Variants in KLF13 observed in about 807,000 individuals in gnomAD.
KLF13 encodes Krueppel-like factor 13.
A neutral mutation model predicts 16.7 loss-of-function variants in KLF13; 8 were observed. That is an observed-to-expected ratio of 0.48 (90% confidence interval 0.28 to 0.87). The LOEUF (loss-of-function observed/expected upper bound fraction) is 0.87. KLF13 is among the 40% of genes least tolerant of loss of function. The probability of loss-of-function intolerance (pLI) is 0.10; values close to 1 mark genes in which losing one functional copy is unlikely to be tolerated. For missense variants in KLF13, 447 were observed against 452.2 expected, an observed-to-expected ratio of 0.99 and a Z score of 0.10; for synonymous variants, 245 against 208.4, an observed-to-expected ratio of 1.18 and a Z score of -1.51.
intron 1 of KLF13, among the ~76,000 whole-genome samples, chr15:31,337,182 C>T (rs1270701716): frequency 2.0e-5 from 3 of 152,222 alleles, no homozygotes; most frequent in African/African-American, 4.8e-5. Flanking sequence ...TGCTAAGTGG[C>T]CTGCGGCAGG....
At chr15:31,406,889 C>T (rs529691211), downstream of KLF13, among the ~76,000 whole-genome samples, 1 of 152,296 alleles carries the variant, frequency 6.6e-6, no homozygotes, top group African/African-American at 2.4e-5. Context: ...TCTTCTCTGA[C>T]TTTGGCCCTC....
At chr15:31,337,628 C>G (rs1437128420) in intron 1 of KLF13, among the ~76,000 whole-genome samples, 1 of 152,234 alleles carries the variant, frequency 6.6e-6, no homozygotes, top group Non-Finnish European at 1.5e-5. Context: ...TAGCCTCTTG[C>G]TTCTAGGCTG....
intron 1 of KLF13, among the ~76,000 whole-genome samples, chr15:31,413,228 A>C (rs2040218287): frequency 6.6e-6 from 1 of 151,394 alleles, no homozygotes; most frequent in Non-Finnish European, 1.5e-5. Context: ...CCAGCCTCAG[A>C]GATATGCGGG....
At chr15:31,331,086 C>T (rs1479751072) in intron 1 of KLF13, among the ~76,000 whole-genome samples, 3 of 152,226 alleles carry the variant, frequency 2.0e-5, no homozygotes, top group African/African-American at 7.2e-5. Flanking sequence ...TCTTTCTTGG[C>T]AGAGAGACCC....
intron 1 of KLF13, among the ~76,000 whole-genome samples, chr15:31,415,640 A>C (rs2040246356): frequency 6.6e-6 from 1 of 152,192 alleles, no homozygotes; most frequent in Non-Finnish European, 1.5e-5. Flanking sequence ...CGAGTAAAGC[A>C]GTGCTTAGAG....
At chr15:31,379,624 G>A (rs1482783864), downstream of KLF13, among the ~76,000 whole-genome samples, 5 of 152,148 alleles carry the variant, frequency 3.3e-5, no homozygotes, top group Admixed American at 6.5e-5. Context: ...AGATTTTCCC[G>A]GCTTTTGAAG....
intron 1 of KLF13, among the ~76,000 whole-genome samples, chr15:31,361,599 G>A (rs1304032078): frequency 6.6e-6 from 1 of 152,096 alleles, no homozygotes; most frequent in Non-Finnish European, 1.5e-5. Flanking sequence ...GGCTGGGGGA[G>A]GGGAGACACA....
At position 31,372,109 on chromosome 15, in the gene KLF13, A is replaced by T; in HGVS notation, c.677A>T (p.Lys226Met). ...RHYRTHTGEK[K>M]FSCPICEKRF... Reference sequence around the variant, plus strand: ...TACCGCACACACACGGGCGAGAAGAAGTTCAGCTGCCCCATCTGCGAGAAG... The same window carrying T: ...TACCGCACACACACGGGCGAGAAGATGTTCAGCTGCCCCATCTGCGAGAAG... The change falls in exon 2 of 2, where the codon AAG becomes ATG. Residue 226 changes from lysine (K) to methionine (M), a missense_variant. By Grantham distance (95) the Lys-to-Met change is moderately conservative. This residue lies in a region of KLF13 where 88 missense variants were observed against 169.5 expected (regional missense o/e 0.52). Transcript: ENST00000307145. 3 of 1,613,100 alleles carry T rather than the reference A, an allele frequency of 1.9e-6. No individual in the cohort carries two copies. The highest frequency in any genetic ancestry group is 2.5e-6 in the Non-Finnish European group (3 of 1,179,984).
rs535097248 is a variant in KLF13 at position 31,337,294 on chromosome 15, T to G, written c.577+9505T>G. The stretch of plus-strand genomic sequence containing the variant: ...GGTTTCTCCTGTGCTTGTCCACCAG[T>G]TGTTGTTTTTGTCTTCTAGCACGGA... On this transcript the variant is annotated intron_variant, in intron 1 of 1. Transcript: ENST00000307145. Among the ~76,000 whole-genome samples, 5 of 152,318 alleles carry G rather than the reference T, an allele frequency of 3.3e-5. No individual in the cohort carries two copies. The East Asian group carries it at 9.6e-4, about 29-fold the overall frequency.
chr15:31,342,089 A>T (rs1261197549), intron 1 of KLF13, among the ~76,000 whole-genome samples: 1 of 152,164 alleles, frequency 6.6e-6, no homozygotes, highest in African/African-American at 2.4e-5. Flanking sequence ...AAGTAGATGA[A>T]CTGAAACCTC....
chr15:31,376,150 AG>A lies in KLF13; in HGVS notation c.*3853del, dbSNP rs2039641800. ...GACCAGCCTCTTTCTTGCCAGAAGC[AG>A]GTGCTAAGATGGACTGCACAGGGTC... On this transcript the variant is annotated 3_prime_UTR_variant, in exon 2 of 2. Transcript: ENST00000307145. 6.6e-6 allele frequency: 1 copy of A among 152,650 alleles called. No individual in the cohort carries two copies. The allele number at this position is 152,650 out of a possible 1,614,324, so 9.5% of individuals were successfully genotyped here.
At chr15:31,381,837 C>T (rs1024488708), downstream of KLF13, among the ~76,000 whole-genome samples, 1 of 152,196 alleles carries the variant, frequency 6.6e-6, no homozygotes, top group Non-Finnish European at 1.5e-5. Flanking sequence ...TCTTAAAAGC[C>T]GATCAGTTCT....
At chr15:31,364,576 C>T (rs577796706) in intron 1 of KLF13, among the ~76,000 whole-genome samples, 50 of 152,392 alleles carry the variant, frequency 3.3e-4, no homozygotes, top group African/African-American at 1.1e-3. Context: ...ATGTGCCCCA[C>T]GTATTCTCCC....
intron 2 of KLF13, among the ~76,000 whole-genome samples, chr15:31,397,880 G>C (rs113307870): frequency 2.0e-5 from 3 of 146,354 alleles, no homozygotes; most frequent in East Asian, 1.9e-4. Context: ...GCGGCGGGGG[G>C]GGTGGTGATC....
At chr15:31,380,152 A>T (rs2039706395), downstream of KLF13, among the ~76,000 whole-genome samples, 1 of 152,122 alleles carries the variant, frequency 6.6e-6, no homozygotes, top group Non-Finnish European at 1.5e-5. Context: ...AAAAATTCAA[A>T]AATGTGGCTT....
chr15:31,335,780 G>A (rs2038920490), intron 1 of KLF13, among the ~76,000 whole-genome samples: 1 of 152,200 alleles, frequency 6.6e-6, no homozygotes, highest in South Asian at 2.1e-4. Context: ...CCACAGGGGT[G>A]TGGCCTACTC....
intron 1 of KLF13, among the ~76,000 whole-genome samples, chr15:31,416,382 T>TA (rs1045370667): frequency 1.3e-5 from 2 of 152,072 alleles, no homozygotes; most frequent in South Asian, 4.2e-4. Flanking sequence ...AATACAGATA[T>TA]AAAAAATTCT....
chr15:31,377,616 T>C lies in KLF13; in HGVS notation c.*5317T>C, dbSNP rs1261375684. On this transcript the variant is annotated 3_prime_UTR_variant, in exon 2 of 2. Transcript: ENST00000307145. Reference sequence around the variant, plus strand: ...TTCCATGGAGCTCATGTTTTTCTTTTCTGTAGGAACTTTTTTTTAACCAGC... The same window carrying C: ...TTCCATGGAGCTCATGTTTTTCTTTCCTGTAGGAACTTTTTTTTAACCAGC... The C allele has an allele frequency of 6.6e-6, 1 of 152,630 alleles. No individual in the cohort carries two copies. The highest frequency in any genetic ancestry group is 1.5e-5 in the Non-Finnish European group (1 of 68,048). The allele number at this position is 152,630 out of a possible 1,614,324, so 9.5% of individuals were successfully genotyped here. A position where few individuals can be genotyped will look rare whatever the true frequency, so the allele number is the denominator to read the frequency against.
At chr15:31,397,875 G>C (rs919028676) in intron 2 of KLF13, among the ~76,000 whole-genome samples, 2 of 83,478 alleles carry the variant, frequency 2.4e-5, no homozygotes, top group Non-Finnish European at 2.6e-5. Context: ...GGGTGGCGGC[G>C]GGGGGGGTGG....
Sources: gnomAD v4.1 joint callset for allele counts (sites outside exome capture counted in the v4.1 genomes callset) on GRCh38, gnomAD v4.1.1 for gene constraint, gnomAD v4.1.1 regional missense constraint, MANE v1.5 for transcripts, NCBI Gene and HGNC (gene_info 2026-07-23, HGNC 2026-07-21) for gene names.